SLC35F1: variants seen among roughly 807,000 people sequenced by gnomAD.
SLC35F1 encodes the protein chromosome 6 open reading frame 169.
SLC35F1 carries 14 observed loss-of-function variants against 48.7 expected under a neutral mutation model. The ratio of observed to expected loss-of-function variants is 0.29; its 90% CI spans 0.19 to 0.45. The LOEUF is 0.45. Among genes scored for constraint, SLC35F1 ranks in the 20% least tolerant of loss-of-function variants. The pLI is 1.00. For missense variants in SLC35F1, 404 were observed against 500.0 expected (o/e 0.81, Z 1.83); for synonymous variants, 190 against 202.2 (o/e 0.94, Z 0.51).
chr6:118,060,002 A>G (rs2114271641), intron 1 of SLC35F1, among the ~76,000 whole-genome samples: 1 of 152,362 alleles, frequency 6.6e-6, no homozygotes, highest in African/African-American at 2.4e-5. Flanking sequence ...GAAGTTAAGT[A>G]TATAATTGTA....
chr6:118,145,367 G>A (rs913423982), intron 1 of SLC35F1, among the ~76,000 whole-genome samples: 24 of 152,168 alleles, frequency 1.6e-4, no homozygotes, highest in African/African-American at 5.3e-4. Context: ...GGATTTTGCA[G>A]TTTTATCAGT....
At chr6:118,069,105 G>A (rs925765372) in intron 1 of SLC35F1, among the ~76,000 whole-genome samples, 2 of 152,190 alleles carry the variant, frequency 1.3e-5, no homozygotes, top group African/African-American at 4.8e-5. Flanking sequence ...TTCCTTTAAC[G>A]TGGTTTTTAA....
intron 1 of SLC35F1, among the ~76,000 whole-genome samples, chr6:117,965,038 C>T (rs951279471): frequency 6.6e-6 from 1 of 152,132 alleles, no homozygotes; most frequent in African/African-American, 2.4e-5. Flanking sequence ...TCTGACATCT[C>T]ATTGACCAGA....
At chr6:118,014,174 A>G (rs535397492) in intron 1 of SLC35F1, among the ~76,000 whole-genome samples, 8 of 152,312 alleles carry the variant, frequency 5.3e-5, no homozygotes, top group South Asian at 4.1e-4. Context: ...GAAGGCACAT[A>G]ATCAGGATAA....
chr6:118,180,472 T>C (rs1361233247), intron 2 of SLC35F1, among the ~76,000 whole-genome samples: 1 of 152,052 alleles, frequency 6.6e-6, no homozygotes, highest in Non-Finnish European at 1.5e-5. Flanking sequence ...TTTCATTGTA[T>C]GACACGGGAG....
At chr6:117,974,587 A>T (rs1776682842) in intron 1 of SLC35F1, among the ~76,000 whole-genome samples, 1 of 152,186 alleles carries the variant, frequency 6.6e-6, no homozygotes, top group Admixed American at 6.5e-5. Flanking sequence ...GATCTGTGAC[A>T]GCTATTCTTA....
chr6:118,004,855 C>A (rs1243528402), intron 1 of SLC35F1, among the ~76,000 whole-genome samples: 1 of 151,886 alleles, frequency 6.6e-6, no homozygotes, highest in Non-Finnish European at 1.5e-5. Context: ...CTGGCCTCAA[C>A]AAATACTTAT....
At chr6:117,955,624 C>A (rs1408723718) in intron 1 of SLC35F1, among the ~76,000 whole-genome samples, 1 of 152,174 alleles carries the variant, frequency 6.6e-6, no homozygotes, top group Non-Finnish European at 1.5e-5. Flanking sequence ...CTCCATCTCA[C>A]CACTTCACCA....
chr6:118,131,659 G>A (rs938284919), intron 1 of SLC35F1, among the ~76,000 whole-genome samples: 1 of 151,876 alleles, frequency 6.6e-6, no homozygotes, highest in Non-Finnish European at 1.5e-5. Flanking sequence ...TTTAAACATA[G>A]GTGCTCTCAC....
At chr6:118,139,044 A>G (rs1180124846) in intron 1 of SLC35F1, among the ~76,000 whole-genome samples, 1 of 152,154 alleles carries the variant, frequency 6.6e-6, no homozygotes, top group Non-Finnish European at 1.5e-5. Flanking sequence ...TTCTGTTCAA[A>G]TCACTTTCAC....
At position 118,089,331 on chromosome 6, in the gene SLC35F1, G is replaced by T. The variant is rs571507880; in HGVS notation, c.174-65114G>T. Reference sequence around the variant, plus strand: ...TTATACATACTTGGAGCCCCATAGAGCAGCCATGAGAAGGTTCATCCTTAC... The same window carrying T: ...TTATACATACTTGGAGCCCCATAGATCAGCCATGAGAAGGTTCATCCTTAC... On this transcript the variant is annotated intron_variant, in intron 1 of 7. Coordinates refer to ENST00000360388, the MANE Select transcript of SLC35F1 (RefSeq NM_001029858.4). Among the ~76,000 whole-genome samples the T allele has an allele frequency of 3.9e-4, 60 of 152,220 alleles. 2 individuals carry two copies. The South Asian group carries it at 0.011, about 29-fold the overall frequency.
chr6:118,221,006 T>C (rs979672191), intron 2 of SLC35F1, among the ~76,000 whole-genome samples: 7 of 152,184 alleles, frequency 4.6e-5, no homozygotes, highest in African/African-American at 1.4e-4. Flanking sequence ...GATGTTAGCT[T>C]ATTATTTGGC....
Position 117,907,623 on chromosome 6 carries a change from C to T in SLC35F1, c.-104C>T. On this transcript the variant is annotated 5_prime_UTR_variant, in exon 1 of 8. Transcript: ENST00000360388. Reference sequence around the variant, plus strand: ...TTCGCAGGCAGCACCGCCTCCCGGGCCGCGGCCGCCCGGCCGGGTCCTCTG... The same window carrying T: ...TTCGCAGGCAGCACCGCCTCCCGGGTCGCGGCCGCCCGGCCGGGTCCTCTG... 1 of 609,180 alleles carries T rather than the reference C, an allele frequency of 1.6e-6. No individual in the cohort carries two copies. Among genetic ancestry groups the T allele is most frequent in the Non-Finnish European group, 2.5e-6 (1 of 401,666 alleles). The allele number at this position is 609,180 out of a possible 1,614,324, so 37.7% of individuals were successfully genotyped here.
At chr6:118,239,239 A>G (rs1775405560) in intron 3 of SLC35F1, among the ~76,000 whole-genome samples, 1 of 148,686 alleles carries the variant, frequency 6.7e-6, no homozygotes, top group African/African-American at 2.5e-5. Context: ...ACCCCAGCAC[A>G]TACTAGATAC....
chr6:118,151,312 G>A (rs1562306581), intron 1 of SLC35F1, among the ~76,000 whole-genome samples: 1 of 151,982 alleles, frequency 6.6e-6, no homozygotes, highest in African/African-American at 2.4e-5. Flanking sequence ...ACTTTTATGA[G>A]TATAACCTCT....
At chr6:118,144,095 C>T (rs1034726738) in intron 1 of SLC35F1, among the ~76,000 whole-genome samples, 2 of 152,004 alleles carry the variant, frequency 1.3e-5, no homozygotes, top group Non-Finnish European at 2.9e-5. Flanking sequence ...GGGTATATAC[C>T]CAAAGGAATA....
chr6:118,082,776 C>G lies in SLC35F1; in HGVS notation c.174-71669C>G, dbSNP rs556539121. Among the ~76,000 whole-genome samples the G allele has an allele frequency of 2.0e-5, 3 of 152,264 alleles. No individual in the cohort carries two copies. In the East Asian group the frequency reaches 5.8e-4, roughly 29 times the overall value. On this transcript the variant is annotated intron_variant, in intron 1 of 7. Coordinates refer to ENST00000360388, the MANE Select transcript of SLC35F1 (RefSeq NM_001029858.4). Reference sequence around the variant, plus strand: ...AAAGATGGCTACTGACAGTCCCAAGCCTATTCCCTTAAGCAAATCCAAAGA... The same window carrying G: ...AAAGATGGCTACTGACAGTCCCAAGGCTATTCCCTTAAGCAAATCCAAAGA...
chr6:118,063,593 T>C (rs1301818305), intron 1 of SLC35F1, among the ~76,000 whole-genome samples: 1 of 152,146 alleles, frequency 6.6e-6, no homozygotes, highest in East Asian at 1.9e-4. Context: ...CCCACCCATA[T>C]CAAAGCTGTG....
At chr6:118,125,518 G>T (rs1773612412) in intron 1 of SLC35F1, among the ~76,000 whole-genome samples, 1 of 152,106 alleles carries the variant, frequency 6.6e-6, no homozygotes, top group African/African-American at 2.4e-5. Flanking sequence ...GGCTCTAACT[G>T]GCCCTGTTTA....
Sources: allele counts gnomAD v4.1 joint callset (sites outside exome capture counted in the v4.1 genomes callset), GRCh38; gene constraint gnomAD v4.1.1; transcripts MANE v1.5; gene names NCBI Gene and HGNC (gene_info 2026-07-23, HGNC 2026-07-21).